The following PPP2R5C variants were observed in gnomAD, a reference collection of about 807,000 sequenced individuals.
PPP2R5C encodes the protein protein phosphatase 2 regulatory subunit B'gamma.
A neutral mutation model predicts 68.9 loss-of-function variants in PPP2R5C; 7 were observed. The observed-to-expected ratio is 0.10, with a 90% CI of 0.06 to 0.19. The LOEUF (loss-of-function observed/expected upper bound fraction) is 0.19. PPP2R5C is among the 10% of genes least tolerant of loss of function. The pLI is 1.00. For missense variants in PPP2R5C, 348 were observed against 641.3 expected, an observed-to-expected ratio of 0.54 and a Z score of 4.94; for synonymous variants, 210 against 222.2, an observed-to-expected ratio of 0.95 and a Z score of 0.49.
intron 2 of PPP2R5C, among the ~76,000 whole-genome samples, chr14:101,767,509 T>C (rs977337405): frequency 7.4e-6 from 1 of 135,308 alleles, no homozygotes; most frequent in Non-Finnish European, 1.6e-5. Context: ...GTAGGCTCAC[T>C]TCTGAGCTTG....
At chr14:101,814,280 C>G (rs1042268088) in intron 1 of PPP2R5C, among the ~76,000 whole-genome samples, 6 of 152,228 alleles carry the variant, frequency 3.9e-5, no homozygotes, top group Admixed American at 1.3e-4. Flanking sequence ...AACTGCAGCT[C>G]TCTGCAAAGT....
chr14:101,815,163 C>T (rs2039582482), intron 1 of PPP2R5C, among the ~76,000 whole-genome samples: 1 of 151,850 alleles, frequency 6.6e-6, no homozygotes. Flanking sequence ...CTTTTTTGTC[C>T]CCCCGGGAGA....
intron 2 of PPP2R5C, among the ~76,000 whole-genome samples, chr14:101,764,029 G>GC (rs113858606): frequency 5.8e-4 from 88 of 150,806 alleles, no homozygotes; most frequent in African/African-American, 2.1e-3. Context: ...GTGTGTGTGT[G>GC]GGCGCGCGCA....
chr14:101,764,231 G>A (rs1159759870), intron 2 of PPP2R5C, among the ~76,000 whole-genome samples: 1 of 152,188 alleles, frequency 6.6e-6, no homozygotes, highest in Non-Finnish European at 1.5e-5. Context: ...ACTAATTGTT[G>A]AACTAGAGCA....
upstream of PPP2R5C, among the ~76,000 whole-genome samples, chr14:101,760,879 G>A (rs1264695426): frequency 9.6e-5 from 8 of 83,698 alleles, no homozygotes; most frequent in Admixed American, 8.2e-4. Flanking sequence ...GGAGGGGCCG[G>A]TCGAGGAGAG....
chr14:101,889,503 G>A (rs1305010719), intron 5 of PPP2R5C, among the ~76,000 whole-genome samples: 1 of 152,204 alleles, frequency 6.6e-6, no homozygotes, highest in Non-Finnish European at 1.5e-5. Flanking sequence ...CTAGCCCTGG[G>A]AACATAGTCA....
chr14:101,787,491 C>T (rs1030339111), intron 3 of PPP2R5C, among the ~76,000 whole-genome samples: 1 of 151,928 alleles, frequency 6.6e-6, no homozygotes, highest in Non-Finnish European at 1.5e-5. Context: ...CGGCCGGGCG[C>T]AGTGGCTCAT....
upstream of PPP2R5C, among the ~76,000 whole-genome samples, chr14:101,806,761 G>A (rs2039094701): frequency 6.6e-6 from 1 of 152,088 alleles, no homozygotes; most frequent in Non-Finnish European, 1.5e-5. Context: ...GGAGTTAAAA[G>A]ACTATTCTGG....
At chr14:101,819,912 C>G in intron 1 of PPP2R5C, 1 of 152,340 alleles carries the variant, frequency 6.6e-6, no homozygotes, top group Non-Finnish European at 1.5e-5. Context: ...GCGTGAGCCA[C>G]CGCACCCAGC....
upstream of PPP2R5C, among the ~76,000 whole-genome samples, chr14:101,806,748 C>T (rs1034117985): frequency 1.3e-5 from 2 of 151,878 alleles, no homozygotes; most frequent in Non-Finnish European, 2.9e-5. Flanking sequence ...TCACTTGAGC[C>T]CAGGAGTTAA....
At chr14:101,787,207 G>A (rs1031603558) in intron 3 of PPP2R5C, among the ~76,000 whole-genome samples, 14 of 152,228 alleles carry the variant, frequency 9.2e-5, no homozygotes, top group Non-Finnish European at 1.6e-4. Flanking sequence ...CCATGATCGT[G>A]CCACTGCACT....
rs910607533 is a variant in PPP2R5C, at chr14:101,818,867, C to A, written c.94+8831C>A. 9 of 697,864 alleles carry A rather than the reference C, an allele frequency of 1.3e-5. No homozygotes were observed. The African/African-American group carries it at 1.6e-4, about 13-fold the overall frequency. 43.2% of individuals were successfully genotyped at this position (697,864 alleles called of 1,614,324 possible). A position where few individuals can be genotyped will look rare whatever the true frequency, so the allele number is the denominator to read the frequency against. ...TGATTAGGTTTTTTCAGTTTGTCAT[C>A]GATGTATGTGACCTCGTTATAATAC... is the stretch of plus-strand genomic sequence containing the variant. On this transcript the variant is annotated intron_variant, in intron 1 of 13. Transcript: ENST00000334743.
At chr14:101,809,857 C>T, upstream of PPP2R5C, 1 of 1,536,614 alleles carries the variant, frequency 6.5e-7, no homozygotes, top group Non-Finnish European at 8.7e-7. Context: ...CTGCAGAGAG[C>T]TTCAGTTTGT....
chr14:101,787,559 C>A (rs934365628), intron 3 of PPP2R5C, among the ~76,000 whole-genome samples: 1 of 151,568 alleles, frequency 6.6e-6, no homozygotes, highest in African/African-American at 2.4e-5. Context: ...GTCAGGAGAT[C>A]AAGACCATCC....
At chr14:101,845,473 C>T (rs1034808354) in intron 1 of PPP2R5C, among the ~76,000 whole-genome samples, 1 of 152,188 alleles carries the variant, frequency 6.6e-6, no homozygotes, top group South Asian at 2.1e-4. Flanking sequence ...TCCACCCCAC[C>T]CTTCCCCACC....
intron 13 of PPP2R5C, among the ~76,000 whole-genome samples, chr14:101,918,785 G>A (rs973174667): frequency 4.7e-5 from 7 of 147,802 alleles, no homozygotes; most frequent in African/African-American, 1.8e-4. Flanking sequence ...TTCCTGCCTG[G>A]GTTCAAGGAG....
chr14:101,815,827 G>A (rs902768914), intron 1 of PPP2R5C, among the ~76,000 whole-genome samples: 10 of 151,980 alleles, frequency 6.6e-5, no homozygotes, highest in Non-Finnish European at 1.3e-4. Flanking sequence ...ATGCCACCAC[G>A]CCCGGCTATT....
chr14:101,823,171 A>G (rs1429955546), intron 1 of PPP2R5C, among the ~76,000 whole-genome samples: 1 of 152,242 alleles, frequency 6.6e-6, no homozygotes, highest in Non-Finnish European at 1.5e-5. Context: ...TTTGGTAAAG[A>G]GTTCTTTGGC....
chr14:101,764,030 G>GTGTGT (rs1462659583), intron 2 of PPP2R5C, among the ~76,000 whole-genome samples: 1,937 of 146,216 alleles, frequency 0.013, 12 homozygotes, highest in Middle Eastern at 0.022. Flanking sequence ...TGTGTGTGTG[G>GTGTGT]GCGCGCGCAC....
Sources: gnomAD v4.1 joint callset for allele counts (sites outside exome capture counted in the v4.1 genomes callset) on GRCh38, gnomAD v4.1.1 for gene constraint, MANE v1.5 for transcripts, NCBI Gene and HGNC (gene_info 2026-07-23, HGNC 2026-07-21) for gene names.